ZMAT3: variants seen among roughly 807,000 people sequenced by gnomAD.
ZMAT3 encodes the protein zinc finger matrin-type protein 3.
In ZMAT3, 17 loss-of-function variants were observed where a neutral mutation model predicts 32.3. The observed-to-expected ratio is 0.53, with a 90% CI of 0.36 to 0.79. The LOEUF (loss-of-function observed/expected upper bound fraction) is 0.79. Among genes scored for constraint, ZMAT3 ranks in the 30% least tolerant of loss-of-function variants. The probability of loss-of-function intolerance (pLI) is 0.00; values close to 1 mark genes in which losing one functional copy is unlikely to be tolerated. For synonymous variants in ZMAT3, 120 were observed against 133.1 expected (o/e 0.90, Z 0.68); for missense variants, 329 against 359.7 (o/e 0.91, Z 0.69).
At chr3:179,063,840 G>A (rs1320287555) in intron 2 of ZMAT3, among the ~76,000 whole-genome samples, 1 of 152,142 alleles carries the variant, frequency 6.6e-6, no homozygotes, top group East Asian at 1.9e-4. Context: ...ATATTTGATG[G>A]CTTCATTAAA....
intron 2 of ZMAT3, among the ~76,000 whole-genome samples, chr3:179,035,137 T>C (rs1719511534): frequency 6.6e-6 from 1 of 151,990 alleles, no homozygotes; most frequent in African/African-American, 2.4e-5. Context: ...AAATCTTACC[T>C]ATAAGGCCCT....
chr3:179,028,211 C>G (rs1718984932), intron 3 of ZMAT3, among the ~76,000 whole-genome samples: 1 of 152,172 alleles, frequency 6.6e-6, no homozygotes, highest in Non-Finnish European at 1.5e-5. Flanking sequence ...GGGTTGCTGT[C>G]TAGTCCAGGA....
At chr3:179,048,469 C>T (rs1165527687) in intron 2 of ZMAT3, among the ~76,000 whole-genome samples, 1 of 152,122 alleles carries the variant, frequency 6.6e-6, no homozygotes, top group Admixed American at 6.5e-5. Context: ...ATGTCTCAGC[C>T]GAAACCCTAC....
At chr3:179,044,922 C>T (rs988282122) in intron 2 of ZMAT3, among the ~76,000 whole-genome samples, 23 of 151,996 alleles carry the variant, frequency 1.5e-4, no homozygotes, top group Admixed American at 1.2e-3. Context: ...GGAGATATAC[C>T]TAATGTAAAT....
Position 179,037,507 on chromosome 3 carries a change from C to G in ZMAT3, c.271-6508G>C, listed in dbSNP as rs142606446. Among the ~76,000 whole-genome samples, 312 of 152,290 alleles carry G rather than the reference C, an allele frequency of 2.0e-3. 3 individuals are homozygous for G. The highest frequency in any genetic ancestry group is 7.0e-3 in the African/African-American group (292 of 41,564). On this transcript the variant is annotated intron_variant, in intron 2 of 5. Transcript: ENST00000311417. ...GCAGGATCCAGGCCAAGGCACAAGC[C>G]GAGCACAGCCTGCCAGGCTGAGTGG... is the stretch of plus-strand genomic sequence containing the variant.
chr3:179,027,395 C>A (rs1413073728), intron 5 of ZMAT3, 28 bp downstream of exon 5: 2 of 1,595,598 alleles, frequency 1.3e-6, no homozygotes, highest in Admixed American at 1.7e-5. Context: ...CAGAATGTAC[C>A]CAAGGTATGT....
chr3:179,025,004 A>C lies in ZMAT3; in HGVS notation c.*13T>G. The C allele has an allele frequency of 6.2e-7, 1 of 1,613,058 alleles. No homozygotes were observed. Among genetic ancestry groups the C allele is most frequent in the Non-Finnish European group, 8.5e-7 (1 of 1,179,078 alleles). On this transcript the variant is annotated 3_prime_UTR_variant, in exon 6 of 6. Coordinates refer to ENST00000311417, the MANE Select transcript of ZMAT3 (RefSeq NM_022470.4). Reference sequence around the variant, plus strand: ...CAGGCAGGAAAAGCTGCTCTATCTTAATATGATAATCACTATACATATCCC... The same window carrying C: ...CAGGCAGGAAAAGCTGCTCTATCTTCATATGATAATCACTATACATATCCC...
intron 2 of ZMAT3, among the ~76,000 whole-genome samples, chr3:179,052,957 G>A (rs1413418941): frequency 4.6e-5 from 7 of 151,680 alleles, no homozygotes; most frequent in East Asian, 3.9e-4. Flanking sequence ...GTGAAACCCC[G>A]TCTCTACTAA....
intron 2 of ZMAT3, among the ~76,000 whole-genome samples, chr3:179,043,842 T>C (rs1243346142): frequency 1.3e-5 from 2 of 152,026 alleles, no homozygotes; most frequent in Admixed American, 1.3e-4. Flanking sequence ...AGGGCTAATA[T>C]CCAGAATCTA....
At chr3:179,056,440 C>T (rs891738529) in intron 2 of ZMAT3, among the ~76,000 whole-genome samples, 2 of 152,114 alleles carry the variant, frequency 1.3e-5, no homozygotes, top group Non-Finnish European at 2.9e-5. Flanking sequence ...GCTTCCAGTG[C>T]GGTCTACAAG....
At chr3:179,056,018 G>C (rs538860310) in intron 2 of ZMAT3, among the ~76,000 whole-genome samples, 10 of 152,214 alleles carry the variant, frequency 6.6e-5, no homozygotes, top group African/African-American at 2.4e-4. Flanking sequence ...AGGAAAACTA[G>C]GAAGAAGCCT....
At chr3:179,031,746 A>G (rs1261554921) in intron 2 of ZMAT3, among the ~76,000 whole-genome samples, 1 of 151,934 alleles carries the variant, frequency 6.6e-6, no homozygotes, top group Non-Finnish European at 1.5e-5. Flanking sequence ...ATCTCTACTA[A>G]AAATACAAAA....
intron 2 of ZMAT3, among the ~76,000 whole-genome samples, chr3:179,032,520 C>A (rs1447646374): frequency 6.7e-6 from 1 of 149,190 alleles, no homozygotes; most frequent in Non-Finnish European, 1.5e-5. Flanking sequence ...AAGTGAGGAG[C>A]GCCTCTTCCC....
chr3:179,057,351 CT>C (rs921530262), intron 2 of ZMAT3, among the ~76,000 whole-genome samples: 31 of 146,910 alleles, frequency 2.1e-4, no homozygotes, highest in Admixed American at 1.1e-3. Flanking sequence ...TTAAGGATGC[CT>C]TTTTTGCATC....
intron 2 of ZMAT3, among the ~76,000 whole-genome samples, chr3:179,060,781 C>T (rs1576875637): frequency 6.6e-6 from 1 of 152,076 alleles, no homozygotes; most frequent in Admixed American, 6.5e-5. Context: ...TGTCAGATCT[C>T]AGACTACAAG....
chr3:179,057,628 G>A (rs1028353977), intron 2 of ZMAT3, among the ~76,000 whole-genome samples: 1 of 152,172 alleles, frequency 6.6e-6, no homozygotes. Context: ...ACTACCTGTG[G>A]CTACAAGGTT....
chr3:179,045,518 G>T (rs1461262651), intron 2 of ZMAT3, among the ~76,000 whole-genome samples: 1 of 152,060 alleles, frequency 6.6e-6, no homozygotes, highest in East Asian at 1.9e-4. Flanking sequence ...TGAATAAAAA[G>T]AGCAAATTGC....
rs1347100499 is a variant in ZMAT3, at chr3:179,025,238, G to C, written c.659-10C>G. On this transcript the variant is annotated splice_polypyrimidine_tract_variant and intron_variant, in intron 5 of 5. Coordinates refer to ENST00000311417, the MANE Select transcript of ZMAT3 (RefSeq NM_022470.4). ...TTGAAGTAAGGACCTGCTAAAGCAA[G>C]AGATAAAAATAATATATTCAAAATA... is the stretch of plus-strand genomic sequence containing the variant. 3.8e-6 allele frequency: 6 copies of C among 1,591,722 alleles called. No homozygotes were observed. The East Asian group carries it at 1.4e-4, about 37-fold the overall frequency.
intron 2 of ZMAT3, among the ~76,000 whole-genome samples, chr3:179,054,575 A>T (rs1053617365): frequency 5.9e-5 from 9 of 152,240 alleles, no homozygotes; most frequent in South Asian, 2.1e-4. Flanking sequence ...TTTAAAAATT[A>T]AAAAATTCAA....
Sources: allele counts gnomAD v4.1 joint callset (sites outside exome capture counted in the v4.1 genomes callset), GRCh38; gene constraint gnomAD v4.1.1; transcripts MANE v1.5; gene names NCBI Gene and HGNC (gene_info 2026-07-23, HGNC 2026-07-21).